The following PCID2 variants were observed in gnomAD, a reference collection of about 807,000 sequenced individuals.
The protein encoded by PCID2 is PCI domain-containing protein 2.
A neutral mutation model predicts 61.3 loss-of-function variants in PCID2; 41 were observed. That is an observed-to-expected ratio of 0.67 (90% CI 0.52 to 0.87). PCID2 has a LOEUF of 0.87. Among genes scored for constraint, PCID2 ranks in the 40% least tolerant of loss-of-function variants. The pLI, the probability that PCID2 is intolerant of heterozygous loss-of-function variation, is 0.00. For synonymous variants in PCID2, 187 were observed against 177.8 expected (o/e 1.05, Z -0.41); for missense variants, 392 against 493.4 (o/e 0.79, Z 1.95).
rs756779392 is a variant in PCID2, at chr13:113,190,906, G to C, written c.433C>G (p.Leu145Val). The C allele has an allele frequency of 6.2e-7, 1 of 1,613,290 alleles. No individual in the cohort carries two copies. The highest frequency in any genetic ancestry group is 1.6e-4 in the Middle Eastern group (1 of 6,062). The change falls in exon 7 of 14, where the codon CTG becomes GTG. Residue 145 changes from leucine (L) to valine (V), a missense_variant. Around this residue, in one of 3 missense-constraint regions of PCID2, gnomAD observed 11 missense variants for 32.0 expected, o/e 0.34. Coordinates refer to ENST00000337344, the MANE Select transcript of PCID2 (RefSeq NM_001127202.4). ...GCACAGACCCGGAAACAGCTCATCA[G>C]TAACTCTGCTGCTTTTTCCAACATG... ...GDMLEKAAEL[L>V]MSCFRVCASD...
chr13:113,208,132 C>T (rs867618497), intron 1 of PCID2: 6 of 1,607,162 alleles, frequency 3.7e-6, no homozygotes, highest in Middle Eastern at 3.4e-4. Context: ...GGGCACGAGC[C>T]CGGCCTGCAG....
intron 9 of PCID2, among the ~76,000 whole-genome samples, chr13:113,183,451 TAAGAA>T (rs1467640702): frequency 1.3e-5 from 2 of 151,854 alleles, no homozygotes; most frequent in Non-Finnish European, 2.9e-5. Flanking sequence ...AAGAGACAGA[TAAGAA>T]AAGCCCTTCT....
intron 7 of PCID2, chr13:113,186,707 G>A (rs1378727517): frequency 6.6e-6 from 1 of 152,240 alleles, no homozygotes; most frequent in Non-Finnish European, 1.5e-5. Context: ...CTGTGTTCCA[G>A]CTGCCTACAG....
intron 1 of PCID2, among the ~76,000 whole-genome samples, chr13:113,206,459 G>C (rs187777376): frequency 1.2e-4 from 19 of 152,282 alleles, no homozygotes; most frequent in Admixed American, 5.9e-4. Context: ...AGACTTCGGA[G>C]ATACATCCAA....
intron 2 of PCID2, among the ~76,000 whole-genome samples, chr13:113,200,073 T>G (rs2039303210): frequency 6.6e-6 from 1 of 152,172 alleles, no homozygotes; most frequent in South Asian, 2.1e-4. Flanking sequence ...CCTTTCTGAC[T>G]AACAACTTAA....
intron 6 of PCID2, 64 bp downstream of exon 6, chr13:113,195,007 A>G (rs1235608156): frequency 8.6e-7 from 1 of 1,156,680 alleles, no homozygotes; most frequent in Non-Finnish European, 1.3e-6. Context: ...ATGACATGAA[A>G]TTAAACAACA....
intron 5 of PCID2, among the ~76,000 whole-genome samples, chr13:113,195,462 T>C (rs903150991): frequency 3.3e-5 from 5 of 152,202 alleles, no homozygotes; most frequent in African/African-American, 4.8e-5. Context: ...AAGAAGTGGT[T>C]TGATCAGATT....
chr13:113,174,370 G>C (rs1291742193), downstream of PCID2, among the ~76,000 whole-genome samples: 2 of 152,172 alleles, frequency 1.3e-5, no homozygotes, highest in Non-Finnish European at 2.9e-5. Context: ...TGTCAGCAGA[G>C]ACATGAGGGG....
At chr13:113,170,088 C>T in the PCID2 span, among the ~76,000 whole-genome samples, 1 of 152,178 alleles carries the variant, frequency 6.6e-6, no homozygotes, top group Non-Finnish European at 1.5e-5. Context: ...GATTACGATT[C>T]CTGAAAACCA....
intron 5 of PCID2, 25 bp from the exon 6 acceptor site, chr13:113,195,150 T>C (rs749956362): frequency 4.6e-6 from 7 of 1,506,072 alleles, no homozygotes; most frequent in African/African-American, 2.7e-5. Context: ...AGTAAACAAG[T>C]GTGAGGGGCT....
At chr13:113,181,807 T>C (rs1411233073) in intron 9 of PCID2, among the ~76,000 whole-genome samples, 1 of 152,220 alleles carries the variant, frequency 6.6e-6, no homozygotes, top group Non-Finnish European at 1.5e-5. Flanking sequence ...TTGAATTTAA[T>C]AGATTTCAAA....
intron 7 of PCID2, among the ~76,000 whole-genome samples, chr13:113,188,826 T>C (rs549466646): frequency 6.6e-6 from 1 of 152,294 alleles, no homozygotes; most frequent in South Asian, 2.1e-4. Flanking sequence ...ACACTTACTT[T>C]CGGTTTCATG....
intron 6 of PCID2, among the ~76,000 whole-genome samples, chr13:113,193,404 T>C (rs928464478): frequency 6.6e-6 from 1 of 152,184 alleles, no homozygotes; most frequent in Non-Finnish European, 1.5e-5. Flanking sequence ...CCTTTCACCA[T>C]CAGGCAGAGA....
At chr13:113,176,983 A>C (rs2037201533), downstream of PCID2, among the ~76,000 whole-genome samples, 1 of 152,152 alleles carries the variant, frequency 6.6e-6, no homozygotes, top group African/African-American at 2.4e-5. Context: ...CCAACAGCCC[A>C]ATGTGAGTGG....
the PCID2 span, among the ~76,000 whole-genome samples, chr13:113,171,190 T>C: frequency 2.0e-5 from 3 of 152,216 alleles, no homozygotes; most frequent in African/African-American, 4.8e-5. This position sits in a 1 kb window ranked among gnomAD's most constrained non-coding sequence, Gnocchi z 5.1. Context: ...CCCGAAGCGC[T>C]GGGATTACAG....
At chr13:113,166,535 C>T in the PCID2 span, 1 of 152,160 alleles carries the variant, frequency 6.6e-6, no homozygotes, top group African/African-American at 2.4e-5. Flanking sequence ...TGTGGACTGG[C>T]AGAGAACAGG....
downstream of PCID2, among the ~76,000 whole-genome samples, chr13:113,173,037 T>C (rs1459580560): frequency 6.6e-6 from 1 of 152,084 alleles, no homozygotes; most frequent in African/African-American, 2.4e-5. Flanking sequence ...GCCCCTTCCA[T>C]CTCTTCTCCC....
At chr13:113,175,702 C>T (rs1252913234), downstream of PCID2, among the ~76,000 whole-genome samples, 2 of 152,192 alleles carry the variant, frequency 1.3e-5, no homozygotes, top group African/African-American at 4.8e-5. Flanking sequence ...GGAGCAGCTA[C>T]GTAGGTCAAG....
downstream of PCID2, among the ~76,000 whole-genome samples, chr13:113,173,490 TA>T (rs1318604892): frequency 1.3e-5 from 2 of 152,182 alleles, no homozygotes; most frequent in Non-Finnish European, 2.9e-5. Flanking sequence ...AAAGAGGAAT[TA>T]AAAATGTAGG....
Sources: gnomAD v4.1 joint callset for allele counts (sites outside exome capture counted in the v4.1 genomes callset) on GRCh38, gnomAD v4.1.1 for gene constraint, gnomAD v4.1.1 regional missense constraint, Gnocchi (gnomAD v3.1) non-coding constraint, MANE v1.5 for transcripts, NCBI Gene and HGNC (gene_info 2026-07-23, HGNC 2026-07-21) for gene names.